DNAH9: variants seen among roughly 807,000 people sequenced by gnomAD.
DNAH9 encodes DNAH9 variant protein.
DNAH9 carries 345 observed loss-of-function variants against 471.6 expected under a neutral mutation model. The observed-to-expected ratio is 0.73, with a 90% CI of 0.67 to 0.80. The LOEUF (loss-of-function observed/expected upper bound fraction) is 0.80. DNAH9 is among the 30% of genes least tolerant of loss of function. The pLI, the probability that DNAH9 is intolerant of heterozygous loss-of-function variation, is 0.00. For missense variants in DNAH9, 5,407 were observed against 5,609.2 expected (o/e 0.96, Z 1.15); for synonymous variants, 2,093 against 2,123.6 (o/e 0.99, Z 0.40).
intron 14 of DNAH9, among the ~76,000 whole-genome samples, chr17:11,655,336 T>C (rs1361769705): frequency 7.4e-6 from 1 of 136,040 alleles, no homozygotes; most frequent in Non-Finnish European, 1.6e-5. Context: ...TTTTCATGGC[T>C]GAGTAGCATT....
intron 43 of DNAH9, among the ~76,000 whole-genome samples, chr17:11,800,883 GCTTAGCATGTTATATGAGA>G (rs1423450071): frequency 2.0e-5 from 3 of 152,162 alleles, no homozygotes; most frequent in Non-Finnish European, 4.4e-5. Context: ...CAGTAAAACT[GCTTAGCATGTTATATGAGA>G]CTAAATCATG....
chr17:11,739,060 G>T (rs201153323), intron 29 of DNAH9, 23 bp downstream of exon 29: 1 of 1,535,836 alleles, frequency 6.5e-7, no homozygotes, highest in South Asian at 1.3e-5. Context: ...TCTGCCCCAT[G>T]CAAAAGCCCC....
At chr17:11,848,410 T>TA (rs1971297658) in intron 49 of DNAH9, among the ~76,000 whole-genome samples, 1 of 152,062 alleles carries the variant, frequency 6.6e-6, no homozygotes, top group Admixed American at 6.5e-5. Flanking sequence ...TCCTTTTTTT[T>TA]ATTTAAATAA....
chr17:11,779,061 G>A (rs537394057), intron 38 of DNAH9, among the ~76,000 whole-genome samples: 1 of 152,186 alleles, frequency 6.6e-6, no homozygotes, highest in Admixed American at 6.5e-5. Flanking sequence ...CAGTGCAATA[G>A]TATCCAGAGA....
intron 45 of DNAH9, among the ~76,000 whole-genome samples, chr17:11,817,762 A>AT (rs1285334056): frequency 6.6e-6 from 1 of 152,308 alleles, no homozygotes; most frequent in Non-Finnish European, 1.5e-5. Context: ...TAAGATCTTG[A>AT]TTTTGACAAA....
Position 11,689,605 on chromosome 17 carries a change from G to T in DNAH9, c.3783G>T (p.Arg1261Ser). 1 of 1,613,924 alleles carries T rather than the reference G, an allele frequency of 6.2e-7. No homozygotes were observed. The highest frequency in any genetic ancestry group is 1.1e-5 in the South Asian group (1 of 91,062). ...SIHPHQMLDARHIEIQQMEST... is the reference protein window; with the variant it reads ...SIHPHQMLDASHIEIQQMEST... ...ACCCTCATCAAATGCTGGATGCCAG[G>T]CACATCGAGATCCAGCAGATGGAAT... is the stretch of plus-strand genomic sequence containing the variant. The change falls in exon 20 of 69, where the codon AGG (arginine) becomes AGT (serine). Residue 1261 changes from arginine to serine, a missense_variant. Arg to Ser is a moderately radical substitution (Grantham distance 110, BLOSUM62 -1). Around this residue, in one of 3 missense-constraint regions of DNAH9, gnomAD observed 4,636 missense variants for 4,900.3 expected, o/e 0.95. Transcript: ENST00000262442.
At chr17:11,857,635 A>G (rs1013560612) in intron 50 of DNAH9, among the ~76,000 whole-genome samples, 2 of 152,384 alleles carry the variant, frequency 1.3e-5, no homozygotes, top group Admixed American at 1.3e-4. Context: ...TACTGTATGC[A>G]GGACATTATA....
chr17:11,606,919 T>A (rs1284406764), intron 1 of DNAH9, among the ~76,000 whole-genome samples: 1 of 152,140 alleles, frequency 6.6e-6, no homozygotes, highest in African/African-American at 2.4e-5. Context: ...AGAGAAGGTG[T>A]CTCTTCCTTG....
At position 11,903,048 on chromosome 17, in the gene DNAH9, TTAAC is replaced by T. The variant is rs547896872; in HGVS notation, c.11600+140_11600+143del. ...TGGAGCTAGAGGGTGGGAATAGAAA[TTAAC>T]TAAACAGGCCAGGCGCGGTGGCTCA... is the stretch of plus-strand genomic sequence containing the variant. On this transcript the variant is annotated intron_variant, in intron 60 of 68. Coordinates refer to ENST00000262442, the MANE Select transcript of DNAH9 (RefSeq NM_001372.4). 3.9e-4 allele frequency: 398 copies of T among 1,013,722 alleles called. 2 individuals carry two copies. The African/African-American group carries it at 5.2e-3, about 13-fold the overall frequency. The allele number at this position is 1,013,722 out of a possible 1,614,324, so 62.8% of individuals were successfully genotyped here.
chr17:11,916,084 C>T (rs999907835), intron 61 of DNAH9, among the ~76,000 whole-genome samples: 1 of 152,172 alleles, frequency 6.6e-6, no homozygotes, highest in Non-Finnish European at 1.5e-5. Context: ...TTCCTTCTGT[C>T]CCCTGGAGGC....
intron 10 of DNAH9, among the ~76,000 whole-genome samples, chr17:11,640,882 A>G (rs79808975): frequency 0.018 from 2,794 of 152,202 alleles, 45 homozygotes; most frequent in Middle Eastern, 0.031. Context: ...CCCCTTCAGC[A>G]AGCTCCTCCT....
At chr17:11,931,476 C>T (rs555294431) in intron 63 of DNAH9, among the ~76,000 whole-genome samples, 1 of 152,304 alleles carries the variant, frequency 6.6e-6, no homozygotes, top group East Asian at 1.9e-4. Flanking sequence ...GACTGTGTGA[C>T]ACCCTTGTAG....
chr17:11,891,763 T>G lies in DNAH9; in HGVS notation c.11113-14T>G, dbSNP rs779045343. The G allele has an allele frequency of 1.9e-6, 3 of 1,613,064 alleles. No homozygotes were observed. On this transcript the variant is annotated splice_polypyrimidine_tract_variant and intron_variant, in intron 57 of 68. Transcript: ENST00000262442. ...GGCTGTGTACCTTACCAGTTTCCTG[T>G]CTTCTGTCCCCAGGCCTTCAGTATC...
rs578208671 is a variant in DNAH9 at position 11,853,035 on chromosome 17, G to A, written c.9508-968G>A. Among the ~76,000 whole-genome samples the A allele has an allele frequency of 6.9e-4, 105 of 151,590 alleles. 2 individuals are homozygous for A. The highest frequency in any genetic ancestry group is 6.8e-3 in the Admixed American group (103 of 15,180). Reference sequence around the variant, plus strand: ...TAGGTTTTCAGCAAATGCCTGAATGGTCCCTTTAAAGGAAGTGGCAGGCAA... The same window carrying A: ...TAGGTTTTCAGCAAATGCCTGAATGATCCCTTTAAAGGAAGTGGCAGGCAA... On this transcript the variant is annotated intron_variant, in intron 49 of 68. Transcript: ENST00000262442.
intron 38 of DNAH9, among the ~76,000 whole-genome samples, chr17:11,774,206 C>T (rs1968331206): frequency 6.7e-6 from 1 of 148,200 alleles, no homozygotes; most frequent in African/African-American, 2.6e-5. Flanking sequence ...TTTCTCCTTC[C>T]TGCCCCTTAT....
In DNAH9 at chr17:11,647,050, C is replaced by A. The variant is rs145421333; in HGVS notation, c.1971-22C>A. The A allele has an allele frequency of 4.3e-3, 7,002 of 1,611,654 alleles. 25 individuals are homozygous for A. Among genetic ancestry groups the A allele is most frequent in the Admixed American group, 4.5e-3 (267 of 59,764 alleles). On this transcript the variant is annotated intron_variant, in intron 11 of 68. Transcript: ENST00000262442. The stretch of plus-strand genomic sequence containing the variant: ...AGCTGGGAGGGGGCTTATGAGGTGG[C>A]TGTTGTCTCTGACCCTTGCAGGTAT...
chr17:11,727,298 T>C (rs1018271671), intron 27 of DNAH9, among the ~76,000 whole-genome samples: 1 of 152,148 alleles, frequency 6.6e-6, no homozygotes, highest in Non-Finnish European at 1.5e-5. Context: ...TTTGAAAAGA[T>C]TTACCTTTAG....
chr17:11,691,698 G>C (rs569345129), intron 20 of DNAH9, among the ~76,000 whole-genome samples: 1 of 152,262 alleles, frequency 6.6e-6, no homozygotes, highest in Non-Finnish European at 1.5e-5. Context: ...ATTTATGCCA[G>C]ATATTTCAGA....
Position 11,636,672 on chromosome 17 carries a change from G to C in DNAH9, c.1674G>C (p.Leu558=). 1 of 1,613,690 alleles carries C rather than the reference G, an allele frequency of 6.2e-7. No homozygotes were observed. The highest frequency in any genetic ancestry group is 8.5e-7 in the Non-Finnish European group (1 of 1,179,634). Residue 558 remains leucine (L), a synonymous_variant, in exon 9 of 69, where the codon CTG becomes CTC. Coordinates refer to ENST00000262442, the MANE Select transcript of DNAH9 (RefSeq NM_001372.4). The part of the protein sequence containing the change: ...DIAGNLLERP[L]VARDTSDKYL... ...CAGGAAACCTCCTTGAAAGACCGCT[G>C]GTAGCGAGGGATACATCTGATAAAT...
Sources: allele counts gnomAD v4.1 joint callset (sites outside exome capture counted in the v4.1 genomes callset), GRCh38; gene constraint gnomAD v4.1.1; regional missense constraint gnomAD v4.1.1; transcripts MANE v1.5; gene names NCBI Gene and HGNC (gene_info 2026-07-23, HGNC 2026-07-21).